The following CDH4 variants were observed in gnomAD, a reference collection of about 807,000 sequenced individuals.
CDH4 encodes cadherin-4.
Under a neutral mutation model 86.0 loss-of-function variants are expected in CDH4, and 33 were observed. The ratio of observed to expected loss-of-function variants is 0.38; its 90% CI spans 0.29 to 0.51. CDH4 has a LOEUF of 0.51. Among genes scored for constraint, CDH4 ranks in the 20% least tolerant of loss-of-function variants. The pLI is 0.86. For missense variants in CDH4, 1,114 were observed against 1,307.4 expected (o/e 0.85, Z 2.28); for synonymous variants, 555 against 549.4 (o/e 1.01, Z -0.14).
intron 2 of CDH4, among the ~76,000 whole-genome samples, chr20:61,351,016 C>T (rs1031096915): frequency 1.3e-5 from 2 of 152,154 alleles, no homozygotes; most frequent in Non-Finnish European, 2.9e-5. Context: ...CCTGTGTTCA[C>T]GGTGGTGCTG....
intron 2 of CDH4, among the ~76,000 whole-genome samples, chr20:61,379,378 A>T (rs1413908968): frequency 6.6e-6 from 1 of 152,042 alleles, no homozygotes; most frequent in Non-Finnish European, 1.5e-5. Context: ...ACAGACAACC[A>T]CGTAGAGTCA....
At chr20:61,383,160 T>TATATATATGAATATATATGA (rs2084915453) in intron 2 of CDH4, among the ~76,000 whole-genome samples, 1 of 103,626 alleles carries the variant, frequency 9.7e-6, no homozygotes, top group Non-Finnish European at 1.9e-5. Flanking sequence ...ATGAATATAT[T>TATATATATGAATATATATGA]ATATATATGA....
At chr20:61,774,305 TG>T (rs1188297375) in intron 4 of CDH4, among the ~76,000 whole-genome samples, 1 of 152,208 alleles carries the variant, frequency 6.6e-6, no homozygotes, top group Non-Finnish European at 1.5e-5. Flanking sequence ...CACCAGGGGT[TG>T]GAACCCCATC....
chr20:61,858,089 C>T (rs28510087), intron 6 of CDH4, among the ~76,000 whole-genome samples: 22 of 110,024 alleles, frequency 2.0e-4, no homozygotes, highest in Non-Finnish European at 8.2e-5. Flanking sequence ...GTGTGTGTCT[C>T]TGTGTCTGTG....
intron 2 of CDH4, among the ~76,000 whole-genome samples, chr20:61,533,752 TG>T (rs1161844386): frequency 1.3e-5 from 2 of 152,206 alleles, no homozygotes; most frequent in Non-Finnish European, 2.9e-5. Context: ...GGCGTGGCCA[TG>T]GGGAGCATGG....
intron 2 of CDH4, among the ~76,000 whole-genome samples, chr20:61,604,778 G>A (rs971274223): frequency 6.6e-6 from 1 of 152,164 alleles, no homozygotes; most frequent in Non-Finnish European, 1.5e-5. Context: ...CTTCCATCCA[G>A]CAGCTTGCAC....
chr20:61,882,538 C>A (rs889974219), intron 7 of CDH4, among the ~76,000 whole-genome samples: 18 of 152,210 alleles, frequency 1.2e-4, no homozygotes, highest in Non-Finnish European at 1.5e-5. Context: ...ACCAGGAGGC[C>A]TGGGCTAAGG....
chr20:61,570,694 G>T, intron 2 of CDH4: 2 of 702,378 alleles, frequency 2.8e-6, no homozygotes, highest in East Asian at 2.7e-5. Flanking sequence ...AGAGGAAAGC[G>T]ATGCCAAAGT....
In CDH4 at chr20:61,544,105, A is replaced by C. The variant is rs892241101; in HGVS notation, c.170-199458A>C. ...AGGCTGCCCCACGCCCCCTGGCCCC[A>C]CACCTGCCTCTTGGCACTACACTGT... On this transcript the variant is annotated intron_variant, in intron 2 of 15. Transcript: ENST00000614565. This position sits in a 1 kb window ranked among gnomAD's most constrained non-coding sequence, Gnocchi z 6.5. 6.6e-6 allele frequency among the ~76,000 whole-genome samples: 1 copy of C among 152,038 alleles called. No homozygotes were observed. The highest frequency in any genetic ancestry group is 6.5e-5 in the Admixed American group (1 of 15,270).
At chr20:61,797,094 C>G (rs11468582) in intron 4 of CDH4, among the ~76,000 whole-genome samples, 83 of 148,306 alleles carry the variant, frequency 5.6e-4, no homozygotes, top group African/African-American at 1.9e-3. Context: ...CCCCCCCCCC[C>G]CCAACACTGG....
chr20:61,289,088 C>T (rs1251737214), intron 2 of CDH4, among the ~76,000 whole-genome samples: 2 of 152,224 alleles, frequency 1.3e-5, no homozygotes, highest in African/African-American at 2.4e-5. Flanking sequence ...TTCCCTAAGG[C>T]CAAACGTACC....
intron 4 of CDH4, among the ~76,000 whole-genome samples, chr20:61,836,133 A>G (rs903850805): frequency 3.9e-5 from 6 of 152,238 alleles, no homozygotes; most frequent in African/African-American, 1.4e-4. Context: ...TGATTGACCC[A>G]GCTTAGCTCC....
In CDH4 at chr20:61,501,195, G is replaced by A. The variant is rs182882055; in HGVS notation, c.170-242368G>A. Among the ~76,000 whole-genome samples, 70 of 152,260 alleles carry A rather than the reference G, an allele frequency of 4.6e-4. 1 individual carries two copies. The East Asian group carries it at 0.012, about 26-fold the overall frequency. On this transcript the variant is annotated intron_variant, in intron 2 of 15. Transcript: ENST00000614565. The surrounding 1 kb of genome is among the most constrained non-coding windows in gnomAD (Gnocchi z 4.2). ...ATAGACTCAGGCTGGGGGAGGTGGCGCTGCCATCCGCCATCTCCAGTCTCC... is the reference window on the plus strand; with the variant it reads ...ATAGACTCAGGCTGGGGGAGGTGGCACTGCCATCCGCCATCTCCAGTCTCC...
chr20:61,449,615 C>T (rs6061451), intron 2 of CDH4, among the ~76,000 whole-genome samples: 9,382 of 152,098 alleles, frequency 0.062, 773 homozygotes, highest in African/African-American at 0.19. Flanking sequence ...ATCATTTTAA[C>T]AGTAGTGTAT....
intron 4 of CDH4, among the ~76,000 whole-genome samples, chr20:61,809,456 C>A (rs1568827864): frequency 6.6e-6 from 1 of 152,198 alleles, no homozygotes; most frequent in East Asian, 1.9e-4. Flanking sequence ...TCCAAGTATC[C>A]TGAAAACAAG....
At chr20:61,642,312 G>A (rs557901110) in intron 2 of CDH4, among the ~76,000 whole-genome samples, 1 of 152,266 alleles carries the variant, frequency 6.6e-6, no homozygotes, top group Non-Finnish European at 1.5e-5. Flanking sequence ...TTGGAATGGG[G>A]AACCAGCAGG....
chr20:61,931,250 G>A (rs2055105286), intron 13 of CDH4, among the ~76,000 whole-genome samples: 1 of 152,228 alleles, frequency 6.6e-6, no homozygotes. Context: ...CTAGGCCCGG[G>A]CTCCAGGCTC....
intron 2 of CDH4, among the ~76,000 whole-genome samples, chr20:61,308,052 G>A (rs1374137680): frequency 6.6e-6 from 1 of 152,218 alleles, no homozygotes; most frequent in African/African-American, 2.4e-5. Flanking sequence ...TCCCTGTGGA[G>A]GTGAGATGAC....
At chr20:61,710,471 C>G (rs1027297849) in intron 2 of CDH4, among the ~76,000 whole-genome samples, 12 of 152,252 alleles carry the variant, frequency 7.9e-5, no homozygotes, top group African/African-American at 2.9e-4. Context: ...GAGCCCCCCT[C>G]CTGGGGAGCT....
Sources: gnomAD v4.1 joint callset for allele counts (sites outside exome capture counted in the v4.1 genomes callset) on GRCh38, gnomAD v4.1.1 for gene constraint, Gnocchi (gnomAD v3.1) non-coding constraint, MANE v1.5 for transcripts, NCBI Gene and HGNC (gene_info 2026-07-23, HGNC 2026-07-21) for gene names.